The following SEC16B variants were observed in gnomAD, a reference collection of about 807,000 sequenced individuals.
The protein encoded by SEC16B is protein transport protein Sec16B.
Under a neutral mutation model 141.8 loss-of-function variants are expected in SEC16B, and 115 were observed. That is an observed-to-expected ratio of 0.81 (90% CI 0.70 to 0.95). The LOEUF (loss-of-function observed/expected upper bound fraction) is 0.95. Among genes scored for constraint, SEC16B ranks in the 40% least tolerant of loss-of-function variants. The probability of loss-of-function intolerance (pLI) is 0.00; values close to 1 mark genes in which losing one functional copy is unlikely to be tolerated. For synonymous variants in SEC16B, 493 were observed against 492.5 expected (o/e 1.00, Z -0.01); for missense variants, 1,291 against 1,312.3 (o/e 0.98, Z 0.25).
upstream of SEC16B, among the ~76,000 whole-genome samples, chr1:177,971,160 C>A (rs1179771608): frequency 6.6e-6 from 1 of 151,874 alleles, no homozygotes; most frequent in South Asian, 2.1e-4. Context: ...CAGCTCACTG[C>A]AACCTCTACC....
At chr1:177,950,741 A>C (rs1263861170) in intron 12 of SEC16B, among the ~76,000 whole-genome samples, 2 of 152,056 alleles carry the variant, frequency 1.3e-5, no homozygotes, top group African/African-American at 4.8e-5. Flanking sequence ...ACAGGAAATG[A>C]ATGTAATGTT....
rs1179128973 is a variant in SEC16B, at chr1:177,960,324, G to T, written c.998+18C>A. ...AGGTTTCAAAAGCCCTTACTCAGCAGCTCTTACAGCACTATACCTAATCAA... is the reference window on the plus strand; with the variant it reads ...AGGTTTCAAAAGCCCTTACTCAGCATCTCTTACAGCACTATACCTAATCAA... On this transcript the variant is annotated intron_variant, in intron 8 of 25. Transcript: ENST00000308284. 1.3e-6 allele frequency: 2 copies of T among 1,549,692 alleles called. No individual in the cohort carries two copies. The highest frequency in any genetic ancestry group is 1.8e-6 in the Non-Finnish European group (2 of 1,124,826).
Position 177,951,918 on chromosome 1 carries a change from G to A in SEC16B, c.1541C>T (p.Ala514Val), listed in dbSNP as rs1322960529. 1.2e-6 allele frequency: 2 copies of A among 1,601,744 alleles called. No homozygotes were observed. The highest frequency in any genetic ancestry group is 1.7e-6 in the Non-Finnish European group (2 of 1,174,506). ...GGAATCCTGTCATAGGGGTACCGTG[G>A]CTGCCTGTGGAATCCTCCCCGACAT... ...QLMSGRIPQAATCCGEKQWGD... is the reference protein window; with the variant it reads ...QLMSGRIPQAVTCCGEKQWGD... The change falls in exon 12 of 26, where the codon GCC (alanine) becomes GTC (valine). Residue 514 changes from alanine (A) to valine (V), a missense_variant. By Grantham distance (64) the Ala-to-Val change is moderately conservative. Coordinates refer to ENST00000308284, the MANE Select transcript of SEC16B (RefSeq NM_033127.4).
chr1:177,960,998 G>A (rs1653022378), intron 6 of SEC16B, 59 bp from the exon 7 acceptor site: 4 of 1,574,458 alleles, frequency 2.5e-6, no homozygotes, highest in Non-Finnish European at 2.6e-6. Context: ...CTTTTCTTTA[G>A]TTTAGGAATA....
intron 2 of SEC16B, 49 bp downstream of exon 2, chr1:177,967,634 T>C (rs1653639992): frequency 6.8e-7 from 1 of 1,473,830 alleles, no homozygotes; most frequent in Non-Finnish European, 9.1e-7. Context: ...AACAACCTAT[T>C]CATACGCATT....
rs1650830426 is a variant in SEC16B at position 177,936,242 on chromosome 1, TA to T, written c.2571+55del. ...GTGGCTGGGAAACCAAGGCAACTGG[TA>T]AAAACCAGAAGCATTTGAGTGGGCA... On this transcript the variant is annotated intron_variant, in intron 20 of 25. Coordinates refer to ENST00000308284, the MANE Select transcript of SEC16B (RefSeq NM_033127.4). 3.3e-5 allele frequency: 49 copies of T among 1,466,868 alleles called. No homozygotes were observed. The South Asian group carries it at 5.8e-4, about 17-fold the overall frequency. The allele number at this position is 1,466,868 out of a possible 1,614,324, so 90.9% of individuals were successfully genotyped here.
At position 177,941,933 on chromosome 1, in the gene SEC16B, G is replaced by A. The variant is rs749166859; in HGVS notation, c.1989C>T (p.Ser663=). 1.2e-6 allele frequency: 2 copies of A among 1,614,038 alleles called. No homozygotes were observed. The highest frequency in any genetic ancestry group is 1.7e-6 in the Non-Finnish European group (2 of 1,179,868). Residue 663 remains serine (S), a synonymous_variant, in exon 16 of 26, where the codon AGC becomes AGT. Transcript: ENST00000308284. ...IGAAVLSQGE[S]SHPVLLVELI... ...GTTCCACTAATAGCACAGGGTGACT[G>A]CTCTCTCCCTGGCTCAAGACAGCTG...
Position 177,933,632 on chromosome 1 carries a change from G to C in SEC16B, c.2576C>G (p.Pro859Arg). The change falls in exon 21 of 26, where the codon CCA (proline) becomes CGA (arginine). Residue 859 changes from proline (P) to arginine (R), a missense_variant. By Grantham distance (103) the Pro-to-Arg change is moderately radical. Around this residue, in one of 3 missense-constraint regions of SEC16B, gnomAD observed 605 missense variants for 614.1 expected, o/e 0.99. Coordinates refer to ENST00000308284, the MANE Select transcript of SEC16B (RefSeq NM_033127.4). ...AATACTTCGTGGTCTAGCAGCCAAT[G>C]GTGTCTGGAATTAAAGAAATAACTC... ...GQEVISKPQT[P>R]LAARPRSISE... is the part of the protein sequence containing the mutation. 6.2e-7 allele frequency: 1 copy of C among 1,613,852 alleles called. No homozygotes were observed. The highest frequency in any genetic ancestry group is 8.5e-7 in the Non-Finnish European group (1 of 1,179,778).
intron 12 of SEC16B, among the ~76,000 whole-genome samples, chr1:177,950,887 GGAAGGAAGGAAA>G (rs1296838211): frequency 6.9e-6 from 1 of 144,710 alleles, no homozygotes; most frequent in Admixed American, 7.1e-5. Flanking sequence ...GAAGGAAGGA[GGAAGGAAGGAAA>G]GAAGGAAGGA....
Position 177,939,104 on chromosome 1 carries a change from C to T in SEC16B, c.2203+598G>A, listed in dbSNP as rs1335070340. ...CCCTGCCCACCCTTCCCTTTGCTCA[C>T]GCCTGAGGAAGGACACAGGGCTGGG... On this transcript the variant is annotated intron_variant, in intron 18 of 25. Coordinates refer to ENST00000308284, the MANE Select transcript of SEC16B (RefSeq NM_033127.4). Among the ~76,000 whole-genome samples the T allele has an allele frequency of 4.6e-5, 7 of 152,316 alleles. No individual in the cohort carries two copies. In the East Asian group the frequency reaches 1.2e-3, roughly 25 times the overall value.
At position 177,944,546 on chromosome 1, in the gene SEC16B, T is replaced by C. The variant is rs1233440328; in HGVS notation, c.1881+15A>G. ...CCTGACAGTGACGGTGGTGGCCTCATCTGGGCTCAGTTACCTGGAAAGAAG... is the reference window on the plus strand; with the variant it reads ...CCTGACAGTGACGGTGGTGGCCTCACCTGGGCTCAGTTACCTGGAAAGAAG... On this transcript the variant is annotated intron_variant, in intron 15 of 25. Coordinates refer to ENST00000308284, the MANE Select transcript of SEC16B (RefSeq NM_033127.4). The C allele has an allele frequency of 3.7e-6, 6 of 1,607,260 alleles. No homozygotes were observed. In the Admixed American group the frequency reaches 1.0e-4, roughly 27 times the overall value.
In SEC16B at chr1:177,938,769, A is replaced by G. The variant is rs578258553; in HGVS notation, c.2203+933T>C. ...TAAGGACTTCCTGATGGACATGGGT[A>G]TTTAAAACTTAGAAAGCTTCCAGCT... On this transcript the variant is annotated intron_variant, in intron 18 of 25. Coordinates refer to ENST00000308284, the MANE Select transcript of SEC16B (RefSeq NM_033127.4). Among the ~76,000 whole-genome samples, 14 of 152,340 alleles carry G rather than the reference A, an allele frequency of 9.2e-5. No homozygotes were observed. In the East Asian group the frequency reaches 2.5e-3, roughly 27 times the overall value.
At chr1:177,946,353 C>G in intron 14 of SEC16B, 67 bp downstream of exon 14, 2 of 1,188,008 alleles carry the variant, frequency 1.7e-6, no homozygotes, top group African/African-American at 3.0e-5. Context: ...ATCCATAAAA[C>G]CCAACAAGGG....
intron 16 of SEC16B, 148 bp from the exon 17 acceptor site, chr1:177,940,862 AT>A: frequency 1.8e-6 from 1 of 563,790 alleles, no homozygotes; most frequent in Middle Eastern, 4.5e-4. Flanking sequence ...ATTATAAAAA[AT>A]AATCGAAAAA....
At position 177,958,238 on chromosome 1, in the gene SEC16B, C is replaced by A. The variant is rs1331418498; in HGVS notation, c.1259G>T (p.Ser420Ile). ...NLTDEDWPVL[S>I]SGTPNLLTGE... is the part of the protein sequence containing the mutation. ...CGTGAGCAGGTTCGGGGTCCCAGAGCTCAGCACTGGCCAGTCCTCATCGGT... is the reference window on the plus strand; with the variant it reads ...CGTGAGCAGGTTCGGGGTCCCAGAGATCAGCACTGGCCAGTCCTCATCGGT... The change falls in exon 10 of 26, where the codon AGC (serine) becomes ATC (isoleucine). Residue 420 changes from serine to isoleucine, a missense_variant. Coordinates refer to ENST00000308284, the MANE Select transcript of SEC16B (RefSeq NM_033127.4). 3.1e-6 allele frequency: 5 copies of A among 1,607,002 alleles called. No individual in the cohort carries two copies. The highest frequency in any genetic ancestry group is 4.2e-6 in the Non-Finnish European group (5 of 1,176,628).
chr1:177,981,839 A>G (rs1170694327), intron 1 of SEC16B, among the ~76,000 whole-genome samples: 1 of 152,162 alleles, frequency 6.6e-6, no homozygotes, highest in African/African-American at 2.4e-5. Context: ...AGAGACACAC[A>G]CCTGTGGTGG....
At chr1:177,935,124 C>G (rs1427310650) in intron 20 of SEC16B, among the ~76,000 whole-genome samples, 1 of 152,098 alleles carries the variant, frequency 6.6e-6, no homozygotes. Flanking sequence ...CATGCTCCAC[C>G]CTGATCTCCA....
chr1:177,937,499 G>A lies in SEC16B; in HGVS notation c.2218C>T (p.Gln740Ter), dbSNP rs546894944. 1 of 1,549,404 alleles carries A rather than the reference G, an allele frequency of 6.5e-7. No homozygotes were observed. The highest frequency in any genetic ancestry group is 8.7e-7 in the Non-Finnish European group (1 of 1,149,110). Residue 740 changes from glutamine (Q) to a stop codon, truncating the protein, a stop_gained, in exon 19 of 26, where the codon CAG becomes TAG. Transcript: ENST00000308284. LOFTEE classifies it high-confidence loss of function. ...GGTTTENTFY[Q>*]DFSGCQGYSE... ...TAGCCTTGACATCCAGAAAAGTCCTGGTAGAAAGTGTTTTCTAAGGACGTG... is the reference window on the plus strand; with the variant it reads ...TAGCCTTGACATCCAGAAAAGTCCTAGTAGAAAGTGTTTTCTAAGGACGTG...
intron 5 of SEC16B, 117 bp downstream of exon 5, chr1:177,964,054 T>C (rs1446297049): frequency 6.1e-6 from 4 of 656,054 alleles, no homozygotes; most frequent in Non-Finnish European, 1.0e-5. Flanking sequence ...GAGGAATGGG[T>C]CCTCCAGACG....
Sources: gnomAD v4.1 joint callset for allele counts (sites outside exome capture counted in the v4.1 genomes callset) on GRCh38, gnomAD v4.1.1 for gene constraint, gnomAD v4.1.1 regional missense constraint, MANE v1.5 for transcripts, NCBI Gene and HGNC (gene_info 2026-07-23, HGNC 2026-07-21) for gene names.